The following ANXA9 variants were observed in gnomAD, a reference collection of about 807,000 sequenced individuals.
ANXA9 encodes annexin 31.
Under a neutral mutation model 51.8 loss-of-function variants are expected in ANXA9, and 47 were observed. That is an observed-to-expected ratio of 0.91 (90% CI 0.72 to 1.16). The LOEUF is 1.16. ANXA9 is among the 50% of genes most tolerant of loss of function. The pLI is 0.00. For missense variants in ANXA9, 361 were observed against 424.7 expected (o/e 0.85, Z 1.32); for synonymous variants, 154 against 168.7 (o/e 0.91, Z 0.68).
chr1:150,992,250 G>C (rs587618773), intron 12 of ANXA9, among the ~76,000 whole-genome samples: 1 of 151,638 alleles, frequency 6.6e-6, no homozygotes, highest in Non-Finnish European at 1.5e-5. Flanking sequence ...CCAGGTATAC[G>C]ATTAAGTATT....
chr1:150,994,832 G>A (rs1671796098), intron 13 of ANXA9, 133 bp downstream of exon 13: 12 of 1,468,270 alleles, frequency 8.2e-6, no homozygotes, highest in Admixed American at 4.8e-5. Context: ...AGTGGCTCAC[G>A]CCTGTAATCC....
intron 12 of ANXA9, among the ~76,000 whole-genome samples, chr1:150,991,764 AC>A (rs1671705972): frequency 7.1e-6 from 1 of 141,324 alleles, no homozygotes; most frequent in African/African-American, 2.8e-5. Flanking sequence ...CTGGTGGCAA[AC>A]TTTTTTTTTT....
At chr1:150,988,452 G>A (rs12033744) in intron 12 of ANXA9, 111 bp downstream of exon 12, 171,946 of 1,298,008 alleles carry the variant, frequency 0.13, 12,165 homozygotes, top group East Asian at 0.22. Flanking sequence ...ACCTCAAGCC[G>A]CTCTCCTTCC....
In ANXA9 at chr1:150,989,170, G is replaced by A. The variant is rs587634960; in HGVS notation, c.852+829G>A. On this transcript the variant is annotated intron_variant, in intron 12 of 13. Coordinates refer to ENST00000368947, the MANE Select transcript of ANXA9 (RefSeq NM_003568.3). ...AATTTTTTGTATTTTTAGCAGATGC[G>A]GTTTCACCATGTTGGTCAGGCTGGT... 4.0e-5 allele frequency among the ~76,000 whole-genome samples: 6 copies of A among 151,640 alleles called. No homozygotes were observed. The East Asian group carries it at 6.0e-4, about 15-fold the overall frequency.
In ANXA9 at chr1:150,994,558, C is replaced by T. The variant is rs770420833; in HGVS notation, c.853-19C>T. 1.9e-6 allele frequency: 3 copies of T among 1,613,432 alleles called. No homozygotes were observed. The highest frequency in any genetic ancestry group is 1.3e-5 in the African/African-American group (1 of 75,050). On this transcript the variant is annotated intron_variant, in intron 12 of 13. Transcript: ENST00000368947. ...GAGACTCTCACTAACTACCCCCCAT[C>T]TCTTTCTTCCCCTACTAGGAAACTG...
intron 7 of ANXA9, among the ~76,000 whole-genome samples, chr1:150,985,794 C>T (rs925501814): frequency 6.6e-6 from 1 of 152,142 alleles, no homozygotes; most frequent in Non-Finnish European, 1.5e-5. Context: ...TCTCGAACTT[C>T]TGGGCTCAAG....
rs1671828853 is a variant in ANXA9, at chr1:150,995,493, T to C, written c.*171T>C. On this transcript the variant is annotated 3_prime_UTR_variant, in exon 14 of 14. Coordinates refer to ENST00000368947, the MANE Select transcript of ANXA9 (RefSeq NM_003568.3). The stretch of plus-strand genomic sequence containing the variant: ...TCTTTAAAATCCCTTAATTTTCCCA[T>C]CTCAAAATTATATCTGTACCTGGGT... 5.1e-6 allele frequency: 3 copies of C among 593,246 alleles called. No homozygotes were observed. Among genetic ancestry groups the C allele is most frequent in the East Asian group, 6.6e-5 (2 of 30,378 alleles). 36.7% of individuals were successfully genotyped at this position (593,246 alleles called of 1,614,324 possible).
intron 13 of ANXA9, chr1:150,994,993 G>C (rs1478049656): frequency 3.8e-6 from 1 of 264,902 alleles, no homozygotes; most frequent in Non-Finnish European, 5.8e-6. Context: ...TCAGGAGGCT[G>C]AGGCAGGAGA....
At chr1:150,977,382 G>A (rs757256543), upstream of ANXA9, among the ~76,000 whole-genome samples, 25 of 152,188 alleles carry the variant, frequency 1.6e-4, no homozygotes, top group South Asian at 4.1e-4. Context: ...TTGTCAGCAC[G>A]CTTGGGGAGC....
chr1:150,988,461 C>CCCAGGGCTTACACACCAGGGCTTACACA (rs949681498), intron 12 of ANXA9, 120 bp downstream of exon 12: 2 of 1,224,884 alleles, frequency 1.6e-6, no homozygotes, highest in Admixed American at 4.1e-5. Flanking sequence ...CGCTCTCCTT[C>CCCAGGGCTTACACACCAGGGCTTACACA]CCAGGGCTTA....
chr1:150,991,544 TTCTTTTTTTTTCC>T (rs1171441482), intron 12 of ANXA9, among the ~76,000 whole-genome samples: 1 of 150,520 alleles, frequency 6.6e-6, no homozygotes, highest in Non-Finnish European at 1.5e-5. Context: ...CTTCTTCTTC[TTCTTTTTTTTTCC>T]TTTGAGATGG....
intron 9 of ANXA9, among the ~76,000 whole-genome samples, chr1:150,987,035 T>G (rs1195228708): frequency 2.0e-5 from 3 of 151,936 alleles, no homozygotes; most frequent in Admixed American, 6.6e-5. Flanking sequence ...TATTTCTTTC[T>G]TAAAAAATAA....
chr1:150,983,041 C>T, intron 2 of ANXA9, 49 bp from the exon 3 acceptor site: 2 of 1,505,514 alleles, frequency 1.3e-6, no homozygotes, highest in South Asian at 2.3e-5. Context: ...TAAGGAGTCC[C>T]TGAAGGGCCA....
chr1:150,985,310 C>T (rs891527107), intron 7 of ANXA9, among the ~76,000 whole-genome samples: 5 of 152,030 alleles, frequency 3.3e-5, no homozygotes, highest in Non-Finnish European at 7.4e-5. Context: ...CTCATGTCAC[C>T]TTCCCAGCCC....
Position 150,988,071 on chromosome 1 carries a change from C to T in ANXA9, c.698-20C>T, listed in dbSNP as rs778117590. 6 of 1,613,950 alleles carry T rather than the reference C, an allele frequency of 3.7e-6. No individual in the cohort carries two copies. The highest frequency in any genetic ancestry group is 3.4e-6 in the Non-Finnish European group (4 of 1,179,920). The stretch of plus-strand genomic sequence containing the variant: ...ATTAATCCCCCATCCATCTTTCTAA[C>T]TGCCTCCTACACACACAAGTGTTTG... On this transcript the variant is annotated intron_variant, in intron 10 of 13. Transcript: ENST00000368947.
intron 12 of ANXA9, 147 bp from the exon 13 acceptor site, chr1:150,994,430 T>G: frequency 7.8e-7 from 1 of 1,288,298 alleles, no homozygotes; most frequent in Admixed American, 2.3e-5. Context: ...AAACATAACT[T>G]TTGTCCCGAG....
rs760717286 is a variant in ANXA9 at position 150,983,402 on chromosome 1, C to T, written c.140C>T (p.Ala47Val). ...TFLNFSVDKD[A>V]QRLLRAITGQ... ...TTGAACTTCAGCGTGGACAAGGATG[C>T]GCAGAGGCTACTGAGGGCCATTACT... is the stretch of plus-strand genomic sequence containing the variant. The change falls in exon 4 of 14, where the codon GCG (alanine) becomes GTG (valine). Residue 47 changes from alanine to valine, a missense_variant. By Grantham distance (64) the Ala-to-Val change is moderately conservative. Coordinates refer to ENST00000368947, the MANE Select transcript of ANXA9 (RefSeq NM_003568.3). 53 of 1,613,482 alleles carry T rather than the reference C, an allele frequency of 3.3e-5. No individual in the cohort carries two copies. The highest frequency in any genetic ancestry group is 3.1e-4 in the East Asian group (14 of 44,878).
intron 12 of ANXA9, among the ~76,000 whole-genome samples, chr1:150,990,862 A>G (rs1671678833): frequency 6.6e-6 from 1 of 151,604 alleles, no homozygotes; most frequent in Non-Finnish European, 1.5e-5. Context: ...ATAAATAAAC[A>G]GGCCAGGCGC....
In ANXA9 at chr1:150,991,927, C is replaced by T. The variant is rs587743968; in HGVS notation, c.853-2650C>T. 3.9e-4 allele frequency among the ~76,000 whole-genome samples: 59 copies of T among 151,932 alleles called. No individual in the cohort carries two copies. In the East Asian group the frequency reaches 6.4e-3, roughly 17 times the overall value. ...GATTACAGGCGCCCGCCACCACGCC[C>T]GGCTAATTTTTGTATTTTTAGTAGA... On this transcript the variant is annotated intron_variant, in intron 12 of 13. Coordinates refer to ENST00000368947, the MANE Select transcript of ANXA9 (RefSeq NM_003568.3).
Sources: allele counts gnomAD v4.1 joint callset (sites outside exome capture counted in the v4.1 genomes callset), GRCh38; gene constraint gnomAD v4.1.1; transcripts MANE v1.5; gene names NCBI Gene and HGNC (gene_info 2026-07-23, HGNC 2026-07-21).